The following ST3GAL1 variants were observed in gnomAD, a reference collection of about 807,000 sequenced individuals.
ST3GAL1 encodes the protein CMP-N-acetylneuraminate-beta-galactosamide-alpha-2,3-sialyltransferase 1.
In ST3GAL1, 16 loss-of-function variants were observed where a neutral mutation model predicts 34.1. The ratio of observed to expected loss-of-function variants is 0.47; its 90% CI spans 0.32 to 0.71. The LOEUF (loss-of-function observed/expected upper bound fraction) is 0.71, where lower values mean the gene tolerates loss of function less well. Ranked by LOEUF, ST3GAL1 falls within the 30% of genes least tolerant of loss-of-function variation. The probability of loss-of-function intolerance (pLI) is 0.04; values close to 1 mark genes in which losing one functional copy is unlikely to be tolerated. For synonymous variants in ST3GAL1, 191 were observed against 184.7 expected, an observed-to-expected ratio of 1.03 and a Z score of -0.28; for missense variants, 353 against 447.4, an observed-to-expected ratio of 0.79 and a Z score of 1.90.
Position 133,454,998 on chromosome 8 carries a change from GGAGA to G in ST3GAL1, c.*4762_*4765del, listed in dbSNP as rs1815248025. 6.6e-6 allele frequency: 1 copy of G among 152,244 alleles called. No individual in the cohort carries two copies. The highest frequency in any genetic ancestry group is 2.1e-4 in the South Asian group (1 of 4,828). The allele number at this position is 152,244 out of a possible 1,614,324, so 9.4% of individuals were successfully genotyped here. ...CCAGTGCTCAGCTGCGTAACGACAT[GGAGA>G]GAGGCAGGGGGGAATAGAAAGCAAA... On this transcript the variant is annotated 3_prime_UTR_variant, in exon 10 of 10. Coordinates refer to ENST00000522652, the MANE Select transcript of ST3GAL1 (RefSeq NM_173344.3).
intron 3 of ST3GAL1, among the ~76,000 whole-genome samples, chr8:133,492,676 C>T (rs906886937): frequency 7.2e-5 from 11 of 152,100 alleles, no homozygotes; most frequent in African/African-American, 1.7e-4. Context: ...GAGCTGAGAT[C>T]GCACCACTGC....
intron 2 of ST3GAL1, among the ~76,000 whole-genome samples, chr8:133,517,831 G>T (rs973834143): frequency 2.0e-5 from 3 of 152,208 alleles, no homozygotes; most frequent in African/African-American, 7.2e-5. Flanking sequence ...CTTTGAATTA[G>T]GTGCAACAAT....
At chr8:133,476,663 C>G (rs1391469506) in intron 3 of ST3GAL1, 63 bp from the exon 4 acceptor site, 1 of 152,274 alleles carries the variant, frequency 6.6e-6, no homozygotes, top group Non-Finnish European at 1.5e-5. Flanking sequence ...AAAAATGTTT[C>G]TCTCCACATC....
intron 1 of ST3GAL1, among the ~76,000 whole-genome samples, chr8:133,555,573 G>C (rs986256901): frequency 2.0e-5 from 3 of 152,144 alleles, no homozygotes; most frequent in African/African-American, 7.2e-5. Context: ...GAAAGGAGGG[G>C]GAGTCTGATG....
At chr8:133,548,290 TCCCTTGCATCACTGGCTCACA>T (rs752221384) in intron 1 of ST3GAL1, among the ~76,000 whole-genome samples, 13 of 152,132 alleles carry the variant, frequency 8.5e-5, no homozygotes, top group Admixed American at 2.0e-4. Context: ...CAGGCCTCCC[TCCCTTGCATCACTGGCTCACA>T]CCTTCCCCAT....
At chr8:133,561,683 G>C (rs1395965164) in intron 1 of ST3GAL1, among the ~76,000 whole-genome samples, 8 of 152,186 alleles carry the variant, frequency 5.3e-5, no homozygotes, top group Admixed American at 5.2e-4. Context: ...CAGCCAAGGA[G>C]GGAGCACGGG....
At chr8:133,492,435 A>G (rs540525387) in intron 3 of ST3GAL1, among the ~76,000 whole-genome samples, 1 of 152,300 alleles carries the variant, frequency 6.6e-6, no homozygotes, top group African/African-American at 2.4e-5. Context: ...AAGTGAAGAA[A>G]TGGGGCCAGG....
chr8:133,489,367 G>A (rs1183307354), intron 3 of ST3GAL1, among the ~76,000 whole-genome samples: 1 of 152,086 alleles, frequency 6.6e-6, no homozygotes, highest in Non-Finnish European at 1.5e-5. Context: ...AGAAAGCCAT[G>A]CCTCCCGCCC....
chr8:133,527,383 G>C (rs1818009548), intron 2 of ST3GAL1, among the ~76,000 whole-genome samples: 1 of 152,106 alleles, frequency 6.6e-6, no homozygotes, highest in Non-Finnish European at 1.5e-5. Context: ...GGGTTGAGGT[G>C]GTGGGGTGAG....
At chr8:133,536,892 C>T (rs998290195) in intron 2 of ST3GAL1, among the ~76,000 whole-genome samples, 5 of 152,128 alleles carry the variant, frequency 3.3e-5, no homozygotes, top group Admixed American at 1.3e-4. Flanking sequence ...CCTGCCTATC[C>T]TCTGCTCTCA....
At chr8:133,521,516 C>T (rs1452533667) in intron 2 of ST3GAL1, among the ~76,000 whole-genome samples, 1 of 152,202 alleles carries the variant, frequency 6.6e-6, no homozygotes, top group East Asian at 1.9e-4. Flanking sequence ...CCAGGCTCGT[C>T]TCAAACTCCT....
intron 2 of ST3GAL1, among the ~76,000 whole-genome samples, chr8:133,540,760 T>TAGACATATATATATAG (rs1169665863): frequency 3.4e-5 from 2 of 58,586 alleles, no homozygotes; most frequent in Non-Finnish European, 5.7e-5. Flanking sequence ...TATATATATA[T>TAGACATATATATATAG]AGACATATAT....
At chr8:133,493,044 C>T (rs565136643) in intron 3 of ST3GAL1, among the ~76,000 whole-genome samples, 13 of 151,484 alleles carry the variant, frequency 8.6e-5, no homozygotes, top group African/African-American at 3.2e-4. Flanking sequence ...AGCTCTGTCC[C>T]AGCTCTGTCT....
chr8:133,570,785 G>A lies in ST3GAL1; in HGVS notation c.-582+908C>T, dbSNP rs912752247. Among the ~76,000 whole-genome samples the A allele has an allele frequency of 8.5e-5, 13 of 152,166 alleles. No individual in the cohort carries two copies. The highest frequency in any genetic ancestry group is 2.7e-4 in the African/African-American group (11 of 41,444). On this transcript the variant is annotated intron_variant, in intron 1 of 9. Coordinates refer to ENST00000522652, the MANE Select transcript of ST3GAL1 (RefSeq NM_173344.3). The surrounding 1 kb of genome is among the most constrained non-coding windows in gnomAD (Gnocchi z 5.6). ...AACTGTACCCTCACCAGAGCGCCTC[G>A]CCCCAGGGTCACCGCTGTCCGTCCC... is the stretch of plus-strand genomic sequence containing the variant.
At chr8:133,542,664 A>T (rs1370395236) in intron 2 of ST3GAL1, among the ~76,000 whole-genome samples, 1 of 151,846 alleles carries the variant, frequency 6.6e-6, no homozygotes, top group South Asian at 2.1e-4. Flanking sequence ...AATCCCAGAT[A>T]CTCAGGAGGC....
intron 2 of ST3GAL1, among the ~76,000 whole-genome samples, chr8:133,541,037 A>C (rs1586654633): frequency 8.2e-6 from 1 of 122,488 alleles, no homozygotes. Flanking sequence ...ATATAGACAT[A>C]TATAGACATA....
intron 2 of ST3GAL1, among the ~76,000 whole-genome samples, chr8:133,542,078 T>C (rs1442048317): frequency 6.6e-6 from 1 of 150,756 alleles, no homozygotes; most frequent in African/African-American, 2.5e-5. Flanking sequence ...TAAATGTGGG[T>C]ATCTGTGTGA....
chr8:133,534,138 C>A (rs1180274094), intron 2 of ST3GAL1, among the ~76,000 whole-genome samples: 1 of 152,078 alleles, frequency 6.6e-6, no homozygotes, highest in African/African-American at 2.4e-5. Flanking sequence ...AAGCCAATTC[C>A]ATTCTATTCA....
intron 2 of ST3GAL1, among the ~76,000 whole-genome samples, chr8:133,500,481 G>GA (rs1817114125): frequency 6.6e-6 from 1 of 152,190 alleles, no homozygotes; most frequent in African/African-American, 2.4e-5. Flanking sequence ...ACACTGCAGG[G>GA]AAGGTTATAG....
Sources: allele counts gnomAD v4.1 joint callset (sites outside exome capture counted in the v4.1 genomes callset), GRCh38; gene constraint gnomAD v4.1.1; non-coding constraint Gnocchi (gnomAD v3.1); transcripts MANE v1.5; gene names NCBI Gene and HGNC (gene_info 2026-07-23, HGNC 2026-07-21).